SAMTOR: variants seen among roughly 807,000 people sequenced by gnomAD.
The protein encoded by SAMTOR is UPF0532 protein C7orf60.
the SAMTOR span, chr7:112,820,081 T>C: frequency 2.0e-5 from 3 of 152,542 alleles, no homozygotes; most frequent in Non-Finnish European, 2.9e-5. Flanking sequence ...TTCGAGTTAT[T>C]TGTGGCATAT....
chr7:112,880,127 C>A, the SAMTOR span, among the ~76,000 whole-genome samples: 1 of 152,100 alleles, frequency 6.6e-6, no homozygotes, highest in Non-Finnish European at 1.5e-5. Context: ...AAATATTCCG[C>A]AATCATCATT....
At chr7:112,836,902 C>G in the SAMTOR span, among the ~76,000 whole-genome samples, 1 of 152,020 alleles carries the variant, frequency 6.6e-6, no homozygotes, top group Non-Finnish European at 1.5e-5. Flanking sequence ...GTTATTTTTG[C>G]TTAGAATTGC....
chr7:112,866,933 T>C, the SAMTOR span, among the ~76,000 whole-genome samples: 1 of 152,370 alleles, frequency 6.6e-6, no homozygotes, highest in East Asian at 1.9e-4. Context: ...CTCAAAAGAA[T>C]GCGATTGTAA....
the SAMTOR span, among the ~76,000 whole-genome samples, chr7:112,827,162 T>A: frequency 6.6e-6 from 1 of 152,224 alleles, no homozygotes; most frequent in South Asian, 2.1e-4. Flanking sequence ...TCTATTTGTG[T>A]CTTAATAATT....
chr7:112,899,545 G>A, the SAMTOR span, among the ~76,000 whole-genome samples: 1 of 152,102 alleles, frequency 6.6e-6, no homozygotes, highest in Non-Finnish European at 1.5e-5. Flanking sequence ...TCCAAACCTA[G>A]AGAAAGATAC....
At chr7:112,830,233 C>T in the SAMTOR span, among the ~76,000 whole-genome samples, 1 of 152,074 alleles carries the variant, frequency 6.6e-6, no homozygotes, top group Admixed American at 6.6e-5. Context: ...AGATTACTGT[C>T]CTTCATTACC....
At chr7:112,881,636 C>T in the SAMTOR span, among the ~76,000 whole-genome samples, 1 of 152,200 alleles carries the variant, frequency 6.6e-6, no homozygotes, top group East Asian at 1.9e-4. Context: ...GAGGGTTACA[C>T]TCAGGACTGC....
At chr7:112,907,853 A>AT in the SAMTOR span, among the ~76,000 whole-genome samples, 1 of 151,308 alleles carries the variant, frequency 6.6e-6, no homozygotes, top group Non-Finnish European at 1.5e-5. Context: ...TTATTTATTT[A>AT]TTTATTTATT....
chr7:112,838,964 A>G, the SAMTOR span, among the ~76,000 whole-genome samples: 15 of 151,786 alleles, frequency 9.9e-5, no homozygotes, highest in Non-Finnish European at 1.9e-4. Context: ...AAGGATGTCA[A>G]AGCAGTGACA....
At chr7:112,886,833 G>A in the SAMTOR span, among the ~76,000 whole-genome samples, 1 of 152,168 alleles carries the variant, frequency 6.6e-6, no homozygotes, top group Non-Finnish European at 1.5e-5. Flanking sequence ...ATACATTGAA[G>A]TACAGCTTTC....
the SAMTOR span, chr7:112,895,692 T>G: frequency 6.3e-7 from 1 of 1,579,882 alleles, no homozygotes; most frequent in African/African-American, 1.3e-5. Flanking sequence ...TTCATCTTTC[T>G]CAAGTGCTTT....
At chr7:112,819,235 G>A in the SAMTOR span, 1 of 152,566 alleles carries the variant, frequency 6.6e-6, no homozygotes, top group Non-Finnish European at 1.5e-5. Flanking sequence ...TTTCAGGTAT[G>A]CTACCTCCCA....
At chr7:112,923,041 GA>G in the SAMTOR span, among the ~76,000 whole-genome samples, 2 of 152,240 alleles carry the variant, frequency 1.3e-5, no homozygotes, top group Admixed American at 6.5e-5. Context: ...AGAAAAGGGG[GA>G]AAGGTGGGGA....
At chr7:112,932,056 G>A in the SAMTOR span, among the ~76,000 whole-genome samples, 2 of 151,774 alleles carry the variant, frequency 1.3e-5, no homozygotes, top group African/African-American at 2.4e-5. Context: ...CTCACAAGTA[G>A]CTGGGACTAC....
the SAMTOR span, among the ~76,000 whole-genome samples, chr7:112,918,153 G>A: frequency 3.5e-4 from 53 of 152,230 alleles, no homozygotes; most frequent in African/African-American, 7.2e-4. Flanking sequence ...TGTCAGATTC[G>A]CCAAAGTTGA....
chr7:112,864,072 A>C, the SAMTOR span, among the ~76,000 whole-genome samples: 1 of 152,208 alleles, frequency 6.6e-6, no homozygotes, highest in African/African-American at 2.4e-5. Context: ...TGCAGCTATA[A>C]AAAAATGAGA....
chr7:112,901,956 A>G, the SAMTOR span, among the ~76,000 whole-genome samples: 1 of 152,226 alleles, frequency 6.6e-6, no homozygotes, highest in African/African-American at 2.4e-5. Context: ...ATTCAGCAGT[A>G]TAAAGAAATG....
At chr7:112,902,857 T>C in the SAMTOR span, among the ~76,000 whole-genome samples, 2 of 152,202 alleles carry the variant, frequency 1.3e-5, no homozygotes, top group Non-Finnish European at 2.9e-5. Context: ...CAAACCAACC[T>C]TGGGATAAAT....
the SAMTOR span, among the ~76,000 whole-genome samples, chr7:112,836,527 C>T: frequency 6.6e-6 from 1 of 151,960 alleles, no homozygotes; most frequent in African/African-American, 2.4e-5. Context: ...CTTTTGGCAT[C>T]TTTGTCATAA....
Sources: allele counts gnomAD v4.1 joint callset (sites outside exome capture counted in the v4.1 genomes callset), GRCh38; gene constraint gnomAD v4.1.1; transcripts MANE v1.5; gene names NCBI Gene and HGNC (gene_info 2026-07-23, HGNC 2026-07-21).